The following TASP1 variants were observed in gnomAD, a reference collection of about 807,000 sequenced individuals.
The protein encoded by TASP1 is taspase 1.
Under a neutral mutation model 56.6 loss-of-function variants are expected in TASP1, and 16 were observed. The observed-to-expected ratio is 0.28, with a 90% CI of 0.19 to 0.43. The LOEUF (loss-of-function observed/expected upper bound fraction) is 0.43, where lower values mean the gene tolerates loss of function less well. TASP1 is among the 20% of genes least tolerant of loss of function. The pLI is 1.00. For synonymous variants in TASP1, 179 were observed against 184.2 expected, an observed-to-expected ratio of 0.97 and a Z score of 0.23; for missense variants, 393 against 511.6, an observed-to-expected ratio of 0.77 and a Z score of 2.24.
intron 13 of TASP1, among the ~76,000 whole-genome samples, chr20:13,404,862 AAAT>A (rs2041859785): frequency 6.6e-6 from 1 of 152,168 alleles, no homozygotes; most frequent in African/African-American, 2.4e-5. Context: ...CTCTGTTCAG[AAAT>A]AATCCTTTGT....
the TASP1 span, among the ~76,000 whole-genome samples, chr20:13,117,102 C>T: frequency 6.6e-6 from 1 of 152,170 alleles, no homozygotes; most frequent in African/African-American, 2.4e-5. Context: ...GTCAAACAGA[C>T]CTGGCCAAAA....
At chr20:13,214,519 GCACACA>G in the TASP1 span, among the ~76,000 whole-genome samples, 5,145 of 115,438 alleles carry the variant, frequency 0.045, 312 homozygotes, top group African/African-American at 0.15. Flanking sequence ...ACAGAGACAG[GCACACA>G]CACACACACA....
chr20:13,443,110 A>G (rs928998903), intron 11 of TASP1, among the ~76,000 whole-genome samples: 10 of 152,184 alleles, frequency 6.6e-5, no homozygotes, highest in Admixed American at 3.9e-4. Context: ...ACCCTTCAGC[A>G]TTTTGCTGGT....
chr20:13,182,851 T>C, the TASP1 span, among the ~76,000 whole-genome samples: 1 of 152,220 alleles, frequency 6.6e-6, no homozygotes, highest in Non-Finnish European at 1.5e-5. Context: ...GTGATTTACA[T>C]GACGATAAAG....
intron 11 of TASP1, among the ~76,000 whole-genome samples, chr20:13,442,608 C>G (rs1017737199): frequency 6.6e-6 from 1 of 150,728 alleles, no homozygotes; most frequent in Non-Finnish European, 1.5e-5. Flanking sequence ...TGCCCCCGCC[C>G]TCCAGCCTGG....
In TASP1 at chr20:13,526,486, G is replaced by C. The variant is rs367635266; in HGVS notation, c.874+1947C>G. On this transcript the variant is annotated intron_variant, in intron 10 of 13. Coordinates refer to ENST00000337743, the MANE Select transcript of TASP1 (RefSeq NM_017714.3). ...TAATTTGTAAACATTATGCATCAAGGTTTTCATGTGCCACCAATATTAAAT... is the reference window on the plus strand; with the variant it reads ...TAATTTGTAAACATTATGCATCAAGCTTTTCATGTGCCACCAATATTAAAT... Among the ~76,000 whole-genome samples, 6 of 152,000 alleles carry C rather than the reference G, an allele frequency of 3.9e-5. No homozygotes were observed. In the East Asian group the frequency reaches 7.7e-4, roughly 20 times the overall value.
At chr20:13,596,215 A>C (rs2047724022) in intron 4 of TASP1, among the ~76,000 whole-genome samples, 1 of 152,036 alleles carries the variant, frequency 6.6e-6, no homozygotes, top group Non-Finnish European at 1.5e-5. Flanking sequence ...TCTACTAAAA[A>C]TACAAAAAAA....
intron 4 of TASP1, among the ~76,000 whole-genome samples, chr20:13,611,353 G>A (rs1251346691): frequency 1.3e-5 from 2 of 152,132 alleles, no homozygotes; most frequent in Non-Finnish European, 2.9e-5. Flanking sequence ...CCTTATTTGG[G>A]TCACCGAGGT....
the TASP1 span, among the ~76,000 whole-genome samples, chr20:13,313,503 T>A: frequency 6.6e-6 from 1 of 152,210 alleles, no homozygotes; most frequent in Non-Finnish European, 1.5e-5. Context: ...TGTACAACAC[T>A]TTCCTTTTTC....
chr20:13,247,517 GGTGTGT>G, the TASP1 span, among the ~76,000 whole-genome samples: 16,154 of 139,670 alleles, frequency 0.12, 979 homozygotes, highest in East Asian at 0.24. Flanking sequence ...CAAAGTGAGG[GGTGTGT>G]GTGTGTGTGT....
the TASP1 span, among the ~76,000 whole-genome samples, chr20:13,287,095 T>C: frequency 6.6e-6 from 1 of 152,140 alleles, no homozygotes; most frequent in Non-Finnish European, 1.5e-5. Context: ...TTACTTTTGA[T>C]AAGAGGAACT....
intron 13 of TASP1, among the ~76,000 whole-genome samples, chr20:13,400,425 T>C (rs1182456201): frequency 6.6e-6 from 1 of 152,172 alleles, no homozygotes; most frequent in African/African-American, 2.4e-5. Flanking sequence ...ACAAAAGCCA[T>C]CAATGGAAGA....
chr20:13,148,597 C>T, the TASP1 span, among the ~76,000 whole-genome samples: 5 of 152,198 alleles, frequency 3.3e-5, no homozygotes, highest in African/African-American at 9.6e-5. Context: ...TTATTTGCCA[C>T]ACCCAGTGAA....
the TASP1 span, among the ~76,000 whole-genome samples, chr20:13,267,403 G>A: frequency 3.9e-5 from 6 of 152,122 alleles, no homozygotes; most frequent in Non-Finnish European, 7.4e-5. Flanking sequence ...GACTATTCCC[G>A]GCAGAGGTAC....
intron 12 of TASP1, among the ~76,000 whole-genome samples, chr20:13,421,223 G>A (rs922736876): frequency 6.8e-6 from 1 of 147,754 alleles, no homozygotes; most frequent in African/African-American, 2.5e-5. Context: ...AGCGATTCTC[G>A]ATTCTCCTGC....
the TASP1 span, among the ~76,000 whole-genome samples, chr20:13,181,456 T>C: frequency 6.6e-6 from 1 of 152,116 alleles, no homozygotes; most frequent in African/African-American, 2.4e-5. Context: ...GACAGCTCTT[T>C]TCTTTTCACC....
chr20:13,367,072 C>T, the TASP1 span, among the ~76,000 whole-genome samples: 2 of 152,182 alleles, frequency 1.3e-5, no homozygotes, highest in Non-Finnish European at 2.9e-5. Context: ...CATCAATGAA[C>T]TCATTTTATA....
At position 13,440,016 on chromosome 20, in the gene TASP1, G is replaced by C. The variant is rs976230476; in HGVS notation, c.986-4862C>G. Reference sequence around the variant, plus strand: ...GAAATATTAAAATACTAAGAAAGGAGAGAAGGGTCTAAAAACTTTCAAATG... The same window carrying C: ...GAAATATTAAAATACTAAGAAAGGACAGAAGGGTCTAAAAACTTTCAAATG... On this transcript the variant is annotated intron_variant, in intron 11 of 13. Coordinates refer to ENST00000337743, the MANE Select transcript of TASP1 (RefSeq NM_017714.3). Among the ~76,000 whole-genome samples, 19 of 152,128 alleles carry C rather than the reference G, an allele frequency of 1.2e-4. 1 individual carries two copies. The highest frequency in any genetic ancestry group is 5.9e-4 in the Admixed American group (9 of 15,270).
chr20:13,121,551 T>C, the TASP1 span, among the ~76,000 whole-genome samples: 2 of 152,258 alleles, frequency 1.3e-5, no homozygotes, highest in Non-Finnish European at 2.9e-5. Context: ...AACTTCCAAA[T>C]GGACGTGGAA....
Sources: gnomAD v4.1 joint callset for allele counts (sites outside exome capture counted in the v4.1 genomes callset) on GRCh38, gnomAD v4.1.1 for gene constraint, MANE v1.5 for transcripts, NCBI Gene and HGNC (gene_info 2026-07-23, HGNC 2026-07-21) for gene names.